The following EXOC1L variants were observed in gnomAD, a reference collection of about 807,000 sequenced individuals.
The protein encoded by EXOC1L is exocyst complex component 1-like.
In EXOC1L, 10 loss-of-function variants were observed where a neutral mutation model predicts 4.9. That is an observed-to-expected ratio of 2.02 (90% CI 1.25 to 3.43). The LOEUF is 3.43. Among genes scored for constraint, EXOC1L ranks in the 30% most tolerant of loss-of-function variants. The pLI is 0.00. For missense variants in EXOC1L, 114 were observed against 59.4 expected (o/e 1.92, Z -3.02); for synonymous variants, 41 against 20.8 (o/e 1.97, Z -2.63).
intron 1 of EXOC1L, among the ~76,000 whole-genome samples, chr4:55,828,590 G>C (rs1035854612): frequency 6.6e-6 from 1 of 152,152 alleles, no homozygotes; most frequent in South Asian, 2.1e-4. Flanking sequence ...CCAACATTTT[G>C]AGAGGCCGAG....
intron 1 of EXOC1L, among the ~76,000 whole-genome samples, chr4:55,822,025 T>C (rs1019153799): frequency 1.3e-5 from 2 of 152,260 alleles, no homozygotes; most frequent in Non-Finnish European, 2.9e-5. Flanking sequence ...TGTTGAGATG[T>C]GAAACTCCAT....
intron 1 of EXOC1L, among the ~76,000 whole-genome samples, chr4:55,826,912 G>A (rs1719898486): frequency 6.6e-6 from 1 of 152,034 alleles, no homozygotes; most frequent in African/African-American, 2.4e-5. Context: ...GGTGTTAATG[G>A]GACAGTGACC....
At chr4:55,822,174 A>G (rs1379405704) in intron 1 of EXOC1L, among the ~76,000 whole-genome samples, 1 of 152,232 alleles carries the variant, frequency 6.6e-6, no homozygotes, top group Admixed American at 6.5e-5. Context: ...TAAAATTAAC[A>G]AAAATATGTT....
intron 1 of EXOC1L, among the ~76,000 whole-genome samples, chr4:55,825,790 T>G (rs998430171): frequency 3.9e-5 from 6 of 152,118 alleles, no homozygotes; most frequent in African/African-American, 1.4e-4. Context: ...ATTTGAAAAT[T>G]ACTCTTTTGG....
chr4:55,836,624 C>A (rs975663200), intron 2 of EXOC1L, among the ~76,000 whole-genome samples: 4 of 151,932 alleles, frequency 2.6e-5, no homozygotes, highest in Non-Finnish European at 5.9e-5. Flanking sequence ...TCAAAGACAG[C>A]AAATTGGTGA....
At chr4:55,823,176 A>G (rs926432065) in intron 1 of EXOC1L, among the ~76,000 whole-genome samples, 1 of 152,086 alleles carries the variant, frequency 6.6e-6, no homozygotes, top group Non-Finnish European at 1.5e-5. Context: ...TAAATTCTCT[A>G]TACATATTGT....
At chr4:55,827,437 G>T (rs2110282416) in intron 1 of EXOC1L, among the ~76,000 whole-genome samples, 1 of 152,226 alleles carries the variant, frequency 6.6e-6, no homozygotes, top group African/African-American at 2.4e-5. Flanking sequence ...CTTATTTGCA[G>T]AACTGTAAGC....
At chr4:55,822,362 G>A (rs1426179955) in intron 1 of EXOC1L, among the ~76,000 whole-genome samples, 1 of 152,052 alleles carries the variant, frequency 6.6e-6, no homozygotes, top group Admixed American at 6.6e-5. Flanking sequence ...GGGATTTCCT[G>A]GGACCGCAGC....
intron 1 of EXOC1L, among the ~76,000 whole-genome samples, chr4:55,827,889 C>T (rs1324810956): frequency 1.3e-5 from 2 of 152,170 alleles, no homozygotes; most frequent in South Asian, 2.1e-4. Flanking sequence ...AACAGCTTCA[C>T]TTTTAATCCT....
At chr4:55,827,684 C>A (rs1306904345) in intron 1 of EXOC1L, among the ~76,000 whole-genome samples, 1 of 152,114 alleles carries the variant, frequency 6.6e-6, no homozygotes. Flanking sequence ...TTCATACCTC[C>A]CCAACCCCAT....
intron 2 of EXOC1L, among the ~76,000 whole-genome samples, chr4:55,835,574 T>C (rs1720138703): frequency 6.6e-6 from 1 of 152,064 alleles, no homozygotes; most frequent in Non-Finnish European, 1.5e-5. Context: ...TGGTATTGCA[T>C]AGTGGTTTTT....
At chr4:55,826,284 G>A (rs898262054) in intron 1 of EXOC1L, among the ~76,000 whole-genome samples, 6 of 152,060 alleles carry the variant, frequency 3.9e-5, no homozygotes, top group Admixed American at 6.6e-5. Flanking sequence ...ACAATAGGAT[G>A]TAAAAGAAGA....
chr4:55,823,494 A>G (rs1719798156), intron 1 of EXOC1L, among the ~76,000 whole-genome samples: 1 of 152,184 alleles, frequency 6.6e-6, no homozygotes, highest in Non-Finnish European at 1.5e-5. Context: ...ATCCTAATAC[A>G]TAGTGTTTTG....
intron 2 of EXOC1L, among the ~76,000 whole-genome samples, chr4:55,833,510 A>G (rs192235746): frequency 2.4e-4 from 36 of 151,986 alleles, no homozygotes; most frequent in African/African-American, 8.4e-4. Context: ...TCAAATTTCT[A>G]TAATACTGCA....
At chr4:55,829,983 C>T (rs141124087) in intron 1 of EXOC1L, among the ~76,000 whole-genome samples, 2 of 152,302 alleles carry the variant, frequency 1.3e-5, no homozygotes, top group Admixed American at 1.3e-4. Context: ...TACCTGGTGA[C>T]GTTAACTTCT....
chr4:55,821,529 C>A (rs906327014), intron 1 of EXOC1L, among the ~76,000 whole-genome samples: 9 of 152,024 alleles, frequency 5.9e-5, no homozygotes, highest in Admixed American at 3.9e-4. Context: ...TTAGTATACA[C>A]ATATTTTTAA....
rs1720024407 is a variant in EXOC1L at position 55,831,327 on chromosome 4, C to A, written c.122-7C>A. The A allele has an allele frequency of 1.6e-6, 1 of 634,968 alleles. No individual in the cohort carries two copies. The highest frequency in any genetic ancestry group is 2.8e-6 in the Non-Finnish European group (1 of 356,564). The allele number at this position is 634,968 out of a possible 1,614,324, so 39.3% of individuals were successfully genotyped here. A position where few individuals can be genotyped will look rare whatever the true frequency, so the allele number is the denominator to read the frequency against. ...TTATGTAAACTAAGTATTTTTCTGTCCTACAGTGACCAAAAAGGAAGAAGT... is the reference window on the plus strand; with the variant it reads ...TTATGTAAACTAAGTATTTTTCTGTACTACAGTGACCAAAAAGGAAGAAGT... On this transcript the variant is annotated splice_polypyrimidine_tract_variant and splice_region_variant and intron_variant, in intron 1 of 2. Transcript: ENST00000636125.
At position 55,834,523 on chromosome 4, in the gene EXOC1L, T is replaced by C. The variant is rs538229910; in HGVS notation, c.253-2562T>C. On this transcript the variant is annotated intron_variant, in intron 2 of 2. Transcript: ENST00000636125. The stretch of plus-strand genomic sequence containing the variant: ...TGCATGCATACTCAGGCTCCAATTA[T>C]TACGCTAAAGGAAAATATTGCTCTG... 5.9e-5 allele frequency among the ~76,000 whole-genome samples: 9 copies of C among 152,116 alleles called. No individual in the cohort carries two copies. The East Asian group carries it at 1.7e-3, about 29-fold the overall frequency.
chr4:55,837,244 G>C lies in EXOC1L; in HGVS notation c.412G>C (p.Asp138His), dbSNP rs150640619. The change falls in exon 3 of 3, where the codon GAT becomes CAT. Residue 138 changes from aspartate (D) to histidine (H), a missense_variant. Physicochemically the swap from Asp to His is moderately conservative, Grantham distance 81. Coordinates refer to ENST00000636125, the MANE Select transcript of EXOC1L (RefSeq NM_001351574.3). ...GAACTTTGATTCTACATACATTAAC[G>C]ATGATTCCATTTGGTCCTCCAACAA... ...IVNFDSTYIN[D>H]DSIWSSNNKD... 1.4e-6 allele frequency: 1 copy of C among 701,286 alleles called. No homozygotes were observed. Among genetic ancestry groups the C allele is most frequent in the Non-Finnish European group, 2.6e-6 (1 of 384,062 alleles). The allele number at this position is 701,286 out of a possible 1,614,324, so 43.4% of individuals were successfully genotyped here.
Sources: allele counts gnomAD v4.1 joint callset (sites outside exome capture counted in the v4.1 genomes callset), GRCh38; gene constraint gnomAD v4.1.1; transcripts MANE v1.5; gene names NCBI Gene and HGNC (gene_info 2026-07-23, HGNC 2026-07-21).